PAPPA: variants seen among roughly 807,000 people sequenced by gnomAD.
PAPPA encodes pappalysin-1.
A neutral mutation model predicts 164.0 loss-of-function variants in PAPPA; 60 were observed. The ratio of observed to expected loss-of-function variants is 0.37; its 90% CI spans 0.30 to 0.45. The LOEUF (loss-of-function observed/expected upper bound fraction) is 0.45, where lower values mean the gene tolerates loss of function less well. Among genes scored for constraint, PAPPA ranks in the 20% least tolerant of loss-of-function variants. PAPPA has a pLI of 1.00. For missense variants in PAPPA, 1,782 were observed against 2,087.3 expected, an observed-to-expected ratio of 0.85 and a Z score of 2.85; for synonymous variants, 875 against 814.1, an observed-to-expected ratio of 1.07 and a Z score of -1.27.
At chr9:116,395,320 AAAG>A (rs921494428) in intron 21 of PAPPA, among the ~76,000 whole-genome samples, 2 of 151,502 alleles carry the variant, frequency 1.3e-5, no homozygotes, top group East Asian at 2.0e-4. Context: ...GGCAGAGAAA[AAAG>A]AAGAGGTAGA....
chr9:116,186,342 A>G (rs1843971079), intron 1 of PAPPA, among the ~76,000 whole-genome samples: 1 of 152,002 alleles, frequency 6.6e-6, no homozygotes, highest in African/African-American at 2.4e-5. Context: ...GAATTGGGAC[A>G]CAGGGGAACT....
chr9:116,265,403 T>G (rs1845055226), intron 7 of PAPPA, among the ~76,000 whole-genome samples: 1 of 152,184 alleles, frequency 6.6e-6, no homozygotes, highest in African/African-American at 2.4e-5. Context: ...TCACGTGTAA[T>G]GGAGTTTCTG....
intron 7 of PAPPA, among the ~76,000 whole-genome samples, chr9:116,239,168 G>A (rs1844708003): frequency 6.6e-6 from 1 of 152,078 alleles, no homozygotes; most frequent in Non-Finnish European, 1.5e-5. Flanking sequence ...CAGTGATGAA[G>A]AGAGAGCCTT....
chr9:116,347,154 C>A lies in PAPPA; in HGVS notation c.3909C>A (p.Gly1303=). The A allele has an allele frequency of 6.2e-7, 1 of 1,614,108 alleles. No homozygotes were observed. The highest frequency in any genetic ancestry group is 8.5e-7 in the Non-Finnish European group (1 of 1,179,972). The change falls in exon 15 of 22, where the codon GGC becomes GGA. Residue 1303 remains glycine, a synonymous_variant. Coordinates refer to ENST00000328252, the MANE Select transcript of PAPPA (RefSeq NM_002581.5). This position sits in a 1 kb window ranked among gnomAD's most constrained non-coding sequence, Gnocchi z 4.5. The part of the protein sequence containing the change: ...VYAASFSCPE[G]TTFGSQCSFQ... ...CTGCCTCCTTCTCCTGCCCTGAGGGCACCACCTTTGGCAGTCAATGTTCCT... is the reference window on the plus strand; with the variant it reads ...CTGCCTCCTTCTCCTGCCCTGAGGGAACCACCTTTGGCAGTCAATGTTCCT...
chr9:116,236,134 A>G (rs1392373728), intron 7 of PAPPA, among the ~76,000 whole-genome samples: 1 of 152,134 alleles, frequency 6.6e-6, no homozygotes, highest in Non-Finnish European at 1.5e-5. Context: ...TTGTGCTGGA[A>G]AGTGAATATC....
At chr9:116,208,807 T>C (rs994019863) in intron 3 of PAPPA, among the ~76,000 whole-genome samples, 8 of 152,128 alleles carry the variant, frequency 5.3e-5, no homozygotes, top group African/African-American at 1.9e-4. Flanking sequence ...AATTGTTTTT[T>C]AGAGAATGAA....
Position 116,382,570 on chromosome 9 carries a change from G to A in PAPPA, c.4776+77G>A, listed in dbSNP as rs989909055. ...TGTGGGGCCAGGATCACTCCTTCATGGCTGGACAACCCTTGTCCTAACTCT... is the reference window on the plus strand; with the variant it reads ...TGTGGGGCCAGGATCACTCCTTCATAGCTGGACAACCCTTGTCCTAACTCT... On this transcript the variant is annotated intron_variant, in intron 21 of 21. Transcript: ENST00000328252. 8.0e-6 allele frequency: 7 copies of A among 869,710 alleles called. No individual in the cohort carries two copies. In the Admixed American group the frequency reaches 1.2e-4, roughly 15 times the overall value. The allele number at this position is 869,710 out of a possible 1,614,324, so 53.9% of individuals were successfully genotyped here.
chr9:116,193,076 T>G lies in PAPPA; in HGVS notation c.1478+4860T>G, dbSNP rs968280753. ...TACACTGTTGTCTCATAAGGAAACA[T>G]TTCCTTTGTCTTCTCTTTATTATTA... On this transcript the variant is annotated intron_variant, in intron 2 of 21. Transcript: ENST00000328252. Among the ~76,000 whole-genome samples, 5 of 152,284 alleles carry G rather than the reference T, an allele frequency of 3.3e-5. No homozygotes were observed. The South Asian group carries it at 1.0e-3, about 32-fold the overall frequency.
At chr9:116,370,841 C>T (rs927876591) in intron 19 of PAPPA, among the ~76,000 whole-genome samples, 19 of 152,326 alleles carry the variant, frequency 1.2e-4, no homozygotes, top group Middle Eastern at 3.4e-3. Context: ...GGCAGGACCA[C>T]GGTCATATTA....
rs571478951 is a variant in PAPPA at position 116,336,673 on chromosome 9, A to G, written c.3611+1599A>G. ...AATATTTAACCACTGAAACATATCG[A>G]TTGATACGTATTTGTTAGTTCTTTG... On this transcript the variant is annotated intron_variant, in intron 13 of 21. Coordinates refer to ENST00000328252, the MANE Select transcript of PAPPA (RefSeq NM_002581.5). Among the ~76,000 whole-genome samples the G allele has an allele frequency of 7.2e-5, 11 of 152,324 alleles. No homozygotes were observed. The East Asian group carries it at 7.7e-4, about 11-fold the overall frequency.
Position 116,187,851 on chromosome 9 carries a change from G to A in PAPPA, c.1113G>A (p.Thr371=), listed in dbSNP as rs369617632. The change falls in exon 2 of 22, where the codon ACG becomes ACA. Residue 371 remains threonine, a synonymous_variant. Transcript: ENST00000328252. This position sits in a 1 kb window ranked among gnomAD's most constrained non-coding sequence, Gnocchi z 4.2. Reference sequence around the variant, plus strand: ...ATGATCATAAGAACCCGACGGTGACGCGCGAGCAGGTGGACTTCCAGCACC... The same window carrying A: ...ATGATCATAAGAACCCGACGGTGACACGCGAGCAGGTGGACTTCCAGCACC... The part of the protein sequence containing the change: ...YEDDHKNPTV[T]REQVDFQHHQ... 125 of 1,614,060 alleles carry A rather than the reference G, an allele frequency of 7.7e-5. No individual in the cohort carries two copies. The highest frequency in any genetic ancestry group is 9.5e-5 in the Non-Finnish European group (112 of 1,180,046).
intron 3 of PAPPA, 112 bp from the exon 4 acceptor site, chr9:116,211,527 G>T: frequency 1.2e-6 from 1 of 866,284 alleles, no homozygotes. Context: ...CTAGGGTGGA[G>T]AAGCTTGTGT....
chr9:116,231,114 C>A (rs2118732621), intron 6 of PAPPA, among the ~76,000 whole-genome samples: 1 of 151,878 alleles, frequency 6.6e-6, no homozygotes, highest in South Asian at 2.1e-4. Flanking sequence ...CTGTATAGTG[C>A]TTCACAAAAG....
At chr9:116,222,520 C>T (rs754870863) in intron 5 of PAPPA, among the ~76,000 whole-genome samples, 10 of 151,940 alleles carry the variant, frequency 6.6e-5, no homozygotes, top group African/African-American at 1.5e-4. Flanking sequence ...GCCTTAAAAG[C>T]GGGAAAATTC....
At position 116,168,018 on chromosome 9, in the gene PAPPA, A is replaced by C. The variant is rs905136508; in HGVS notation, c.415+13431A>C. ...AAAATTTAGATCTGTTGACTTCCAC[A>C]TCAGTGCTCTTTCCACTGGGTCACT... On this transcript the variant is annotated intron_variant, in intron 1 of 21. Transcript: ENST00000328252. 3.3e-5 allele frequency among the ~76,000 whole-genome samples: 5 copies of C among 152,310 alleles called. No homozygotes were observed. In the East Asian group the frequency reaches 9.7e-4, roughly 29 times the overall value.
Position 116,235,384 on chromosome 9 carries a change from T to A in PAPPA, c.2479T>A (p.Ser827Thr). 1 of 1,614,028 alleles carries A rather than the reference T, an allele frequency of 6.2e-7. No individual in the cohort carries two copies. The highest frequency in any genetic ancestry group is 1.1e-5 in the South Asian group (1 of 91,058). ...KLLAVSGKNI[S>T]LGPQNVFCDV... Reference sequence around the variant, plus strand: ...GTTGGCTGTCAGTGGGAAGAACATCTCCCTGGGTCCTCAGAATGTCTTCTG... The same window carrying A: ...GTTGGCTGTCAGTGGGAAGAACATCACCCTGGGTCCTCAGAATGTCTTCTG... The change falls in exon 7 of 22, where the codon TCC becomes ACC. Residue 827 changes from serine (S) to threonine (T), a missense_variant. By Grantham distance (58) the Ser-to-Thr change is moderately conservative. Transcript: ENST00000328252.
rs1012481822 is a variant in PAPPA at position 116,382,347 on chromosome 9, C to T, written c.4678-48C>T. On this transcript the variant is annotated intron_variant, in intron 20 of 21. Transcript: ENST00000328252. ...CTGCAGACGTCAGCTCCCACTCACTCCAGGATGCTAACAAGGCCTCATTTC... is the reference window on the plus strand; with the variant it reads ...CTGCAGACGTCAGCTCCCACTCACTTCAGGATGCTAACAAGGCCTCATTTC... 38 of 1,192,950 alleles carry T rather than the reference C, an allele frequency of 3.2e-5. No homozygotes were observed. The Admixed American group carries it at 5.2e-4, about 16-fold the overall frequency. 73.9% of individuals were successfully genotyped at this position (1,192,950 alleles called of 1,614,324 possible).
intron 19 of PAPPA, among the ~76,000 whole-genome samples, chr9:116,374,170 T>TTGATGATGATGATGGTGG (rs1212971428): frequency 1.4e-5 from 2 of 139,546 alleles, no homozygotes; most frequent in South Asian, 5.1e-4. Flanking sequence ...GGTGGTGGTG[T>TTGATGATGATGATGGTGG]TGATGATGAT....
rs373686701 is a variant in PAPPA at position 116,335,046 on chromosome 9, G to T, written c.3583G>T (p.Gly1195Trp). 3 of 1,613,408 alleles carry T rather than the reference G, an allele frequency of 1.9e-6. No individual in the cohort carries two copies. Among genetic ancestry groups the T allele is most frequent in the Non-Finnish European group, 2.5e-6 (3 of 1,179,968 alleles). Reference protein sequence around the residue: ...DPVTLSSCQRGETYSPAEQSC... With the variant: ...DPVTLSSCQRWETYSPAEQSC... Reference sequence around the variant, plus strand: ...CGTCACCCTGAGCAGCTGCCAGAGAGGGGAGACCTACAGCCCTGCCGAGCA... The same window carrying T: ...CGTCACCCTGAGCAGCTGCCAGAGATGGGAGACCTACAGCCCTGCCGAGCA... Residue 1195 changes from glycine (G) to tryptophan (W), a missense_variant, in exon 13 of 22, where the codon GGG becomes TGG. By Grantham distance (184) the Gly-to-Trp change is radical (BLOSUM62 -2). Around this residue, in one of 2 missense-constraint regions of PAPPA, gnomAD observed 1,324 missense variants for 1,656.9 expected, o/e 0.80. Coordinates refer to ENST00000328252, the MANE Select transcript of PAPPA (RefSeq NM_002581.5).
Sources: allele counts gnomAD v4.1 joint callset (sites outside exome capture counted in the v4.1 genomes callset), GRCh38; gene constraint gnomAD v4.1.1; regional missense constraint gnomAD v4.1.1; non-coding constraint Gnocchi (gnomAD v3.1); transcripts MANE v1.5; gene names NCBI Gene and HGNC (gene_info 2026-07-23, HGNC 2026-07-21).